Variants in SNTB2 observed in about 807,000 individuals in gnomAD.
SNTB2 encodes beta-2-syntrophin.
In SNTB2, 34 loss-of-function variants were observed where a neutral mutation model predicts 46.2. The ratio of observed to expected loss-of-function variants is 0.74; its 90% CI spans 0.56 to 0.98. The LOEUF is 0.98. Among genes scored for constraint, SNTB2 ranks in the 50% least tolerant of loss-of-function variants. The probability of loss-of-function intolerance (pLI) is 0.00; values close to 1 mark genes in which losing one functional copy is unlikely to be tolerated. For missense variants in SNTB2, 603 were observed against 731.4 expected (o/e 0.82, Z 2.02); for synonymous variants, 290 against 312.6 (o/e 0.93, Z 0.76).
intron 3 of SNTB2, among the ~76,000 whole-genome samples, chr16:69,269,738 T>C (rs1964921069): frequency 6.6e-6 from 1 of 152,164 alleles, no homozygotes; most frequent in Admixed American, 6.6e-5. Context: ...ACATCAGACA[T>C]TCTGAAACTT....
intron 1 of SNTB2, among the ~76,000 whole-genome samples, chr16:69,242,543 T>C (rs1455236864): frequency 6.6e-6 from 1 of 152,070 alleles, no homozygotes; most frequent in African/African-American, 2.4e-5. Context: ...CAGAACAACA[T>C]AAAGAAAAAA....
At chr16:69,257,735 G>A (rs1447102656) in intron 2 of SNTB2, among the ~76,000 whole-genome samples, 18 of 152,250 alleles carry the variant, frequency 1.2e-4, no homozygotes, top group African/African-American at 3.1e-4. Context: ...GTAAGCCACC[G>A]CGCCCAGCCA....
intron 4 of SNTB2, among the ~76,000 whole-genome samples, chr16:69,270,599 G>T: frequency 6.6e-6 from 1 of 152,014 alleles, no homozygotes; most frequent in East Asian, 1.9e-4. Flanking sequence ...TTTATTGACT[G>T]TGACTAGAAA....
At position 69,307,406 on chromosome 16, in the gene SNTB2, T is replaced by C. The variant is rs757898379; in HGVS notation, c.*6482T>C. 11 of 152,214 alleles carry C rather than the reference T, an allele frequency of 7.2e-5. No homozygotes were observed. Among genetic ancestry groups the C allele is most frequent in the Non-Finnish European group, 5.9e-5 (4 of 68,030 alleles). 9.4% of individuals were successfully genotyped at this position (152,214 alleles called of 1,614,324 possible). On this transcript the variant is annotated 3_prime_UTR_variant, in exon 7 of 7. Coordinates refer to ENST00000336278, the MANE Select transcript of SNTB2 (RefSeq NM_006750.4). ...TTTTTTTTAGTGCAAATTTAGACTT[T>C]AGTTTGGGAAAGAGAACAGTATACA...
At chr16:69,276,865 GA>G (rs35878481) in intron 4 of SNTB2, among the ~76,000 whole-genome samples, 1 of 149,914 alleles carries the variant, frequency 6.7e-6, no homozygotes, top group African/African-American at 2.4e-5. Flanking sequence ...CTTGCAGAGG[GA>G]AAAAAAAATG....
chr16:69,283,970 T>G (rs1965074856), intron 4 of SNTB2, 78 bp from the exon 5 acceptor site: 1 of 1,345,332 alleles, frequency 7.4e-7, no homozygotes, highest in Admixed American at 2.3e-5. Flanking sequence ...AAGTTTCTCT[T>G]ATCAATGAGC....
intron 4 of SNTB2, among the ~76,000 whole-genome samples, chr16:69,273,531 C>A (rs904574446): frequency 1.3e-5 from 2 of 151,990 alleles, no homozygotes; most frequent in Admixed American, 6.6e-5. Flanking sequence ...ATAGGCAAAC[C>A]CAGGATAGAC....
intron 5 of SNTB2, among the ~76,000 whole-genome samples, chr16:69,298,844 C>T (rs1294352327): frequency 6.6e-6 from 1 of 152,000 alleles, no homozygotes; most frequent in Non-Finnish European, 1.5e-5. Flanking sequence ...TCTTTAGGGC[C>T]TATCTGAAGG....
chr16:69,266,321 G>C (rs1410274005), intron 3 of SNTB2, among the ~76,000 whole-genome samples: 1 of 152,150 alleles, frequency 6.6e-6, no homozygotes, highest in African/African-American at 2.4e-5. Context: ...CCGAGATGGG[G>C]CCATTGTCCT....
intron 1 of SNTB2, among the ~76,000 whole-genome samples, chr16:69,226,444 A>G (rs1355644909): frequency 6.6e-6 from 1 of 152,058 alleles, no homozygotes; most frequent in South Asian, 2.1e-4. Flanking sequence ...ATAAAACCCT[A>G]TATGTTGGGT....
chr16:69,274,790 G>A (rs573264006), intron 4 of SNTB2, among the ~76,000 whole-genome samples: 1 of 152,168 alleles, frequency 6.6e-6, no homozygotes, highest in Admixed American at 6.6e-5. Context: ...GAGACCTCTG[G>A]TCTCAAAAAA....
intron 1 of SNTB2, among the ~76,000 whole-genome samples, chr16:69,196,662 C>T (rs949378934): frequency 4.6e-5 from 7 of 152,092 alleles, no homozygotes; most frequent in South Asian, 4.1e-4. Flanking sequence ...CGTGAGCCAC[C>T]GCACCTGGCC....
intron 1 of SNTB2, among the ~76,000 whole-genome samples, chr16:69,205,276 A>G (rs1240696525): frequency 6.6e-6 from 1 of 150,842 alleles, no homozygotes; most frequent in East Asian, 1.9e-4. Context: ...CAGCCTTCCA[A>G]GTAGCTAGGA....
intron 3 of SNTB2, among the ~76,000 whole-genome samples, chr16:69,269,477 G>A (rs906096080): frequency 2.6e-5 from 4 of 151,670 alleles, no homozygotes; most frequent in African/African-American, 9.7e-5. Context: ...CGATTGTCCC[G>A]CTGCACTCCA....
chr16:69,280,177 G>T (rs1232580284), intron 4 of SNTB2, among the ~76,000 whole-genome samples: 1 of 152,082 alleles, frequency 6.6e-6, no homozygotes, highest in Non-Finnish European at 1.5e-5. Context: ...CAGGGTTGGG[G>T]GTAAGGTCAC....
chr16:69,190,749 T>C (rs1265514150), intron 1 of SNTB2, among the ~76,000 whole-genome samples: 1 of 152,158 alleles, frequency 6.6e-6, no homozygotes, highest in Non-Finnish European at 1.5e-5. Context: ...AGCAAGGACT[T>C]TGTGGTCAGA....
At chr16:69,219,703 A>G (rs1964381375) in intron 1 of SNTB2, among the ~76,000 whole-genome samples, 1 of 151,112 alleles carries the variant, frequency 6.6e-6, no homozygotes, top group Non-Finnish European at 1.5e-5. Context: ...AGTCATAGAA[A>G]CCAGATTTTA....
chr16:69,242,388 C>T (rs1385569537), intron 1 of SNTB2, among the ~76,000 whole-genome samples: 1 of 151,818 alleles, frequency 6.6e-6, no homozygotes, highest in East Asian at 1.9e-4. Flanking sequence ...GTGCCACTGC[C>T]CTGCAACCTG....
At chr16:69,229,984 A>G (rs567487936) in intron 1 of SNTB2, among the ~76,000 whole-genome samples, 43 of 151,856 alleles carry the variant, frequency 2.8e-4, no homozygotes, top group African/African-American at 9.7e-4. Context: ...ACATGGTCCT[A>G]GTATATTGCC....
Sources: gnomAD v4.1 joint callset for allele counts (sites outside exome capture counted in the v4.1 genomes callset) on GRCh38, gnomAD v4.1.1 for gene constraint, MANE v1.5 for transcripts, NCBI Gene and HGNC (gene_info 2026-07-23, HGNC 2026-07-21) for gene names.